The following TRPM5 variants were observed in gnomAD, a reference collection of about 807,000 sequenced individuals.
TRPM5 encodes transient receptor potential cation channel subfamily M member 5.
In TRPM5, 121 loss-of-function variants were observed where a neutral mutation model predicts 124.9. That is an observed-to-expected ratio of 0.97 (90% confidence interval 0.84 to 1.13). The LOEUF is 1.13. Among genes scored for constraint, TRPM5 ranks in the 50% most tolerant of loss-of-function variants. The probability of loss-of-function intolerance (pLI) is 0.00; values close to 1 mark genes in which losing one functional copy is unlikely to be tolerated. For synonymous variants in TRPM5, 781 were observed against 700.5 expected (o/e 1.11, Z -1.81); for missense variants, 1,643 against 1,589.1 (o/e 1.03, Z -0.58).
chr11:2,425,509 G>C (rs187278167), upstream of TRPM5, among the ~76,000 whole-genome samples: 2 of 152,156 alleles, frequency 1.3e-5, 1 homozygote, highest in South Asian at 4.2e-4. Flanking sequence ...TCCAAACGAG[G>C]TCATATTCTA....
At chr11:2,424,284 G>A (rs1297129063), upstream of TRPM5, among the ~76,000 whole-genome samples, 1 of 152,244 alleles carries the variant, frequency 6.6e-6, no homozygotes, top group African/African-American at 2.4e-5. Flanking sequence ...GGAGTTGGGG[G>A]GAACTTCAGA....
intron 19 of TRPM5, 128 bp from the exon 25 acceptor site, chr11:2,407,428 G>T: frequency 1.1e-6 from 1 of 938,118 alleles, no homozygotes; most frequent in Non-Finnish European, 1.6e-6. Flanking sequence ...CTTCTGCGTT[G>T]CCTCTGGGGT....
chr11:2,413,347 C>G, intron 13 of TRPM5, 121 bp from the exon 19 acceptor site: 2 of 1,310,670 alleles, frequency 1.5e-6, no homozygotes, highest in Non-Finnish European at 2.1e-6. Context: ...GTGGGACCCG[C>G]AGGGAGGCTG....
exon 9 of TRPM5, chr11:2,415,228 G>T (rs1375561536): frequency 1.9e-6 from 3 of 1,574,290 alleles, no homozygotes; most frequent in Non-Finnish European, 2.6e-6. Flanking sequence ...AAGGCCGGTG[G>T]CCCCGCGGGT....
chr11:2,435,973 A>G, the TRPM5 span, among the ~76,000 whole-genome samples: 5 of 152,238 alleles, frequency 3.3e-5, no homozygotes, highest in Non-Finnish European at 7.3e-5. This position sits in a 1 kb window ranked among gnomAD's most constrained non-coding sequence, Gnocchi z 4.1. Flanking sequence ...GAGCACCCCA[A>G]GAGCGTAGGC....
chr11:2,414,627 G>A (rs1850526255), intron 11 of TRPM5, 88 bp downstream of exon 16: 1 of 1,432,944 alleles, frequency 7.0e-7, no homozygotes. Flanking sequence ...GTAACAGGCA[G>A]CCCTGGCGAG....
At chr11:2,410,648 C>A in intron 18 of TRPM5, 3 of 452,204 alleles carry the variant, frequency 6.6e-6, no homozygotes, top group South Asian at 1.6e-5. Flanking sequence ...CATGGCCAAG[C>A]GGCTCTGACC....
exon 3 of TRPM5, chr11:2,421,133 C>T (rs895936733): frequency 7.1e-6 from 11 of 1,542,610 alleles, no homozygotes; most frequent in South Asian, 3.6e-5. Flanking sequence ...AGCGAGTGGT[C>T]GCGCACGGCC....
the TRPM5 span, among the ~76,000 whole-genome samples, chr11:2,438,272 T>C: frequency 1.0e-3 from 158 of 152,136 alleles, 1 homozygote; most frequent in African/African-American, 3.5e-3. The surrounding 1 kb of genome is among the most constrained non-coding windows in gnomAD (Gnocchi z 5.9). Flanking sequence ...CCCTTAAGAA[T>C]AGGAATAAGA....
chr11:2,424,084 T>C (rs1845813364), upstream of TRPM5, among the ~76,000 whole-genome samples: 1 of 152,222 alleles, frequency 6.6e-6, no homozygotes, highest in South Asian at 2.1e-4. Context: ...CCCTACCCTG[T>C]CCGACCTGGG....
chr11:2,410,357 T>C (rs1464633374), intron 18 of TRPM5, among the ~76,000 whole-genome samples: 1 of 152,080 alleles, frequency 6.6e-6, no homozygotes, highest in African/African-American at 2.4e-5. Context: ...GAGGTCGGGG[T>C]CAGGCCTGGG....
chr11:2,419,659 T>C (rs1352447861), intron 4 of TRPM5, among the ~76,000 whole-genome samples: 1 of 151,782 alleles, frequency 6.6e-6, no homozygotes, highest in East Asian at 1.9e-4. Context: ...TCAGTTGGCC[T>C]TGCCAAGAAA....
exon 16 of TRPM5, chr11:2,412,142 T>C (rs1366464939): frequency 6.2e-7 from 1 of 1,613,036 alleles, no homozygotes; most frequent in Non-Finnish European, 8.5e-7. Flanking sequence ...GACCTGCAGG[T>C]GACACCCACG....
chr11:2,423,233 G>A (rs1187412412), upstream of TRPM5, among the ~76,000 whole-genome samples: 1 of 152,078 alleles, frequency 6.6e-6, no homozygotes, highest in Non-Finnish European at 1.5e-5. Context: ...CCTGCCCAGC[G>A]ACCCCCTGCA....
chr11:2,424,094 G>C (rs1845813595), upstream of TRPM5, among the ~76,000 whole-genome samples: 1 of 152,228 alleles, frequency 6.6e-6, no homozygotes. Context: ...TCCGACCTGG[G>C]GCTACCTGGC....
chr11:2,415,441 C>A, exon 9 of TRPM5: 2 of 1,583,690 alleles, frequency 1.3e-6, no homozygotes, highest in Non-Finnish European at 1.7e-6. Flanking sequence ...CTGACCAGGG[C>A]GTCCACCATC....
In TRPM5 at chr11:2,418,046, G is replaced by A. The variant is rs1468634049; in HGVS notation, c.906+121C>T. On this transcript the variant is annotated intron_variant, in intron 6 of 23. Coordinates refer to ENST00000155858, the Ensembl canonical transcript of TRPM5. Reference sequence around the variant, plus strand: ...GTGGGCCTGAAGCGAGAGTGGGTGGGGGGCCCAGCAGCCTGAGGTGGGAGG... The same window carrying A: ...GTGGGCCTGAAGCGAGAGTGGGTGGAGGGCCCAGCAGCCTGAGGTGGGAGG... 4 of 1,052,880 alleles carry A rather than the reference G, an allele frequency of 3.8e-6. No homozygotes were observed. In the Admixed American group the frequency reaches 9.9e-5, roughly 26 times the overall value. The allele number at this position is 1,052,880 out of a possible 1,614,324, so 65.2% of individuals were successfully genotyped here.
intron 13 of TRPM5, 49 bp from the exon 19 acceptor site, chr11:2,413,275 G>T: frequency 6.8e-7 from 1 of 1,480,552 alleles, no homozygotes; most frequent in Non-Finnish European, 9.0e-7. Flanking sequence ...TCCCAGAGGC[G>T]CCTGCCTGGC....
intron 2 of TRPM5, among the ~76,000 whole-genome samples, chr11:2,421,832 G>C (rs1347359000): frequency 6.6e-6 from 1 of 152,144 alleles, no homozygotes; most frequent in Non-Finnish European, 1.5e-5. Flanking sequence ...TAGTGGAGGG[G>C]GCAGCTCTAA....
Sources: gnomAD v4.1 joint callset for allele counts (sites outside exome capture counted in the v4.1 genomes callset) on GRCh38, gnomAD v4.1.1 for gene constraint, Gnocchi (gnomAD v3.1) non-coding constraint, MANE v1.5 for transcripts, NCBI Gene and HGNC (gene_info 2026-07-23, HGNC 2026-07-21) for gene names.